WDR86: variants seen among roughly 807,000 people sequenced by gnomAD.
WDR86 encodes WD repeat domain 86.
Under a neutral mutation model 36.5 loss-of-function variants are expected in WDR86, and 30 were observed. That is an observed-to-expected ratio of 0.82 (90% CI 0.61 to 1.11). The LOEUF is 1.11. Among genes scored for constraint, WDR86 ranks in the 50% most tolerant of loss-of-function variants. The probability of loss-of-function intolerance (pLI) is 0.00; values close to 1 mark genes in which losing one functional copy is unlikely to be tolerated. For missense variants in WDR86, 545 were observed against 561.2 expected, an observed-to-expected ratio of 0.97 and a Z score of 0.29; for synonymous variants, 255 against 252.9, an observed-to-expected ratio of 1.01 and a Z score of -0.08.
intron 3 of WDR86, 30 bp from the exon 4 acceptor site, chr7:151,385,253 C>G (rs1798885004): frequency 6.2e-7 from 1 of 1,606,880 alleles, no homozygotes; most frequent in Admixed American, 1.7e-5. Flanking sequence ...AGGTCGGCAG[C>G]TGGGGCAGCT....
chr7:151,410,295 G>T (rs1394319218), upstream of WDR86, among the ~76,000 whole-genome samples: 2 of 152,218 alleles, frequency 1.3e-5, no homozygotes, highest in Non-Finnish European at 2.9e-5. Context: ...ACAAAGGGTC[G>T]GGGTCGGGGA....
chr7:151,384,969 A>G (rs1372057976), intron 4 of WDR86, 119 bp downstream of exon 4: 1 of 1,143,414 alleles, frequency 8.7e-7, no homozygotes, highest in African/African-American at 1.5e-5. Context: ...GAGCACTGCC[A>G]TTGGACGCTG....
chr7:151,398,763 A>G (rs573018141), intron 2 of WDR86, among the ~76,000 whole-genome samples: 37 of 152,162 alleles, frequency 2.4e-4, no homozygotes, highest in Non-Finnish European at 5.1e-4. Context: ...AATCTGGCCG[A>G]GCATGATTTC....
intron 4 of WDR86, among the ~76,000 whole-genome samples, chr7:151,383,758 C>T (rs1049124796): frequency 1.3e-5 from 2 of 152,230 alleles, no homozygotes; most frequent in African/African-American, 4.8e-5. Flanking sequence ...AGTGTGGCTG[C>T]TGAGCTCCCC....
rs1452486525 is a variant in WDR86 at position 151,388,675 on chromosome 7, G to A, written c.727-3452C>T. Among the ~76,000 whole-genome samples, 1 of 152,188 alleles carries A rather than the reference G, an allele frequency of 6.6e-6. No individual in the cohort carries two copies. Among genetic ancestry groups the A allele is most frequent in the Non-Finnish European group, 1.5e-5 (1 of 68,036 alleles). On this transcript the variant is annotated intron_variant, in intron 3 of 5. Transcript: ENST00000334493. This position sits in a 1 kb window ranked among gnomAD's most constrained non-coding sequence, Gnocchi z 4.2. ...GGGAGGCAGAGGCCCCTCTGGGCAC[G>A]GTGGTTTCTCAGGACCTCACCTCTG...
chr7:151,385,999 C>T (rs1017166956), intron 3 of WDR86, among the ~76,000 whole-genome samples: 1 of 152,180 alleles, frequency 6.6e-6, no homozygotes, highest in Admixed American at 6.5e-5. Context: ...GGCGGGCAGG[C>T]GGGCTCCACA....
chr7:151,374,309 A>G (rs1798104563), downstream of WDR86: 4 of 1,522,024 alleles, frequency 2.6e-6, no homozygotes, highest in African/African-American at 1.4e-5. Context: ...AGCTCCCTCC[A>G]TGGCTCTCCA....
At chr7:151,384,022 C>A (rs1022750807) in intron 4 of WDR86, among the ~76,000 whole-genome samples, 1 of 152,220 alleles carries the variant, frequency 6.6e-6, no homozygotes, top group Non-Finnish European at 1.5e-5. Flanking sequence ...GACACAGGAA[C>A]AAACGAAAAA....
At position 151,384,487 on chromosome 7, in the gene WDR86, C is replaced by T. The variant is rs11980011; in HGVS notation, c.862+601G>A. ...CTCTCTGCCTGCCTAAAACATGACA[C>T]GATGGCTGGCACTGTAGCAGCTATC... On this transcript the variant is annotated intron_variant, in intron 4 of 5. Transcript: ENST00000334493. 1.2e-3 allele frequency among the ~76,000 whole-genome samples: 188 copies of T among 152,320 alleles called. 1 individual carries two copies. The highest frequency in any genetic ancestry group is 4.0e-3 in the African/African-American group (168 of 41,576).
chr7:151,409,192 C>T lies in WDR86; in HGVS notation c.163+235G>A. On this transcript the variant is annotated intron_variant, in intron 1 of 5. Transcript: ENST00000334493. The surrounding 1 kb of genome is among the most constrained non-coding windows in gnomAD (Gnocchi z 5.2). ...TAGCGGACGCCCCTCGACCCACCCA[C>T]CCGATCCCGGCCGCACCCTGCTCTG... The T allele has an allele frequency of 6.4e-6, 4 of 627,088 alleles. No individual in the cohort carries two copies. The highest frequency in any genetic ancestry group is 1.1e-5 in the Non-Finnish European group (4 of 349,544). The allele number at this position is 627,088 out of a possible 1,614,324, so 38.8% of individuals were successfully genotyped here.
intron 1 of WDR86, chr7:151,408,931 T>TGTGACGGAGAA (rs1218886129): frequency 2.1e-6 from 1 of 471,972 alleles, no homozygotes; most frequent in Admixed American, 2.3e-5. Context: ...GGTAACATAG[T>TGTGACGGAGAA]GTGACGACGG....
intron 3 of WDR86, among the ~76,000 whole-genome samples, chr7:151,387,563 C>T (rs563300572): frequency 2.8e-4 from 42 of 152,140 alleles, no homozygotes; most frequent in Middle Eastern, 3.4e-3. Context: ...CTCGCAGCCA[C>T]GGCGGCTCTG....
chr7:151,410,625 G>C (rs1163002247), upstream of WDR86: 2 of 152,260 alleles, frequency 1.3e-5, no homozygotes, highest in Non-Finnish European at 2.9e-5. Flanking sequence ...TCGGCCTGGG[G>C]CGCCTCTAAT....
chr7:151,384,619 C>A (rs1327622420), intron 4 of WDR86, among the ~76,000 whole-genome samples: 1 of 152,230 alleles, frequency 6.6e-6, no homozygotes, highest in East Asian at 1.9e-4. Flanking sequence ...CCACCCATTC[C>A]AGCCGAGACC....
chr7:151,396,465 C>T (rs746930287), intron 2 of WDR86, among the ~76,000 whole-genome samples: 2 of 152,210 alleles, frequency 1.3e-5, no homozygotes, highest in Non-Finnish European at 2.9e-5. Context: ...GGGATCCCTC[C>T]AGCATCCCCA....
downstream of WDR86, among the ~76,000 whole-genome samples, chr7:151,379,903 G>C (rs538019565): frequency 3.9e-5 from 6 of 152,210 alleles, no homozygotes; most frequent in Non-Finnish European, 7.3e-5. Flanking sequence ...GCTCAGGGCC[G>C]GCCGGCAGCA....
intron 3 of WDR86, among the ~76,000 whole-genome samples, chr7:151,392,469 C>T (rs930671857): frequency 4.6e-5 from 7 of 152,150 alleles, no homozygotes; most frequent in Admixed American, 1.3e-4. Context: ...GTGAGAGCAT[C>T]CCCATGTGGA....
chr7:151,404,767 G>A (rs1584793038), intron 1 of WDR86, among the ~76,000 whole-genome samples: 1 of 152,378 alleles, frequency 6.6e-6, no homozygotes, highest in East Asian at 1.9e-4. Context: ...TGCCAAGGTA[G>A]CGCCTGCACA....
chr7:151,373,209 G>C (rs1798040742), downstream of WDR86, among the ~76,000 whole-genome samples: 1 of 152,124 alleles, frequency 6.6e-6, no homozygotes, highest in South Asian at 2.1e-4. Flanking sequence ...GGTCTCCCTG[G>C]GAGAATGTAG....
Sources: allele counts gnomAD v4.1 joint callset (sites outside exome capture counted in the v4.1 genomes callset), GRCh38; gene constraint gnomAD v4.1.1; non-coding constraint Gnocchi (gnomAD v3.1); transcripts MANE v1.5; gene names NCBI Gene and HGNC (gene_info 2026-07-23, HGNC 2026-07-21).